The following ATF6 variants were observed in gnomAD, a reference collection of about 807,000 sequenced individuals.
ATF6 encodes activating transcription factor 6.
ATF6 carries 53 observed loss-of-function variants against 83.6 expected under a neutral mutation model. That is an observed-to-expected ratio of 0.63 (90% CI 0.51 to 0.80). The LOEUF is 0.80. Ranked by LOEUF, ATF6 falls within the 30% of genes least tolerant of loss-of-function variation. The pLI is 0.00. For synonymous variants in ATF6, 288 were observed against 285.8 expected (o/e 1.01, Z -0.08); for missense variants, 744 against 797.9 (o/e 0.93, Z 0.81).
At chr1:161,835,976 C>T (rs1004943522) in intron 9 of ATF6, among the ~76,000 whole-genome samples, 2 of 152,088 alleles carry the variant, frequency 1.3e-5, no homozygotes, top group African/African-American at 4.8e-5. Context: ...AATGCTGCGC[C>T]CTCACTAGGT....
intron 14 of ATF6, among the ~76,000 whole-genome samples, chr1:161,894,559 CAG>C (rs1202494894): frequency 3.9e-5 from 3 of 77,320 alleles, no homozygotes; most frequent in African/African-American, 1.6e-4. Context: ...TTTTTTGAGA[CAG>C]AGTTTCACTC....
intron 14 of ATF6, among the ~76,000 whole-genome samples, chr1:161,908,210 G>A (rs1687916260): frequency 1.3e-5 from 2 of 152,116 alleles, no homozygotes; most frequent in Non-Finnish European, 1.5e-5. Context: ...ACATAGATAC[G>A]TAGAATCAAC....
chr1:161,929,923 A>G (rs1383592203), intron 15 of ATF6, among the ~76,000 whole-genome samples: 1 of 152,184 alleles, frequency 6.6e-6, no homozygotes, highest in Non-Finnish European at 1.5e-5. Flanking sequence ...AAGGGTCAGT[A>G]TGATGTTTAG....
chr1:161,897,422 GCGAGACCCTGTCT>G (rs1687697640), intron 14 of ATF6, among the ~76,000 whole-genome samples: 1 of 152,076 alleles, frequency 6.6e-6, no homozygotes, highest in Admixed American at 6.6e-5. Context: ...GGGAAACAGA[GCGAGACCCTGTCT>G]CAAAAAATAA....
intron 6 of ATF6, among the ~76,000 whole-genome samples, chr1:161,795,990 A>T (rs1685009437): frequency 6.6e-6 from 1 of 152,172 alleles, no homozygotes; most frequent in Non-Finnish European, 1.5e-5. Context: ...GTACTCTGGG[A>T]TGAAAAGGCT....
intron 15 of ATF6, among the ~76,000 whole-genome samples, chr1:161,925,105 T>A (rs1571241008): frequency 1.3e-5 from 2 of 152,252 alleles, no homozygotes; most frequent in Non-Finnish European, 2.9e-5. Flanking sequence ...CTATATACCC[T>A]CTGAGTCTTC....
intron 15 of ATF6, among the ~76,000 whole-genome samples, chr1:161,938,558 G>A (rs980065059): frequency 2.6e-5 from 4 of 152,180 alleles, no homozygotes. Flanking sequence ...GAAATGTAAG[G>A]CAGGCAAGAA....
intron 15 of ATF6, among the ~76,000 whole-genome samples, chr1:161,925,304 G>A (rs1043899024): frequency 6.6e-6 from 1 of 152,034 alleles, no homozygotes; most frequent in Non-Finnish European, 1.5e-5. Flanking sequence ...AAACCAAGGT[G>A]TTTTTTTCTA....
intron 9 of ATF6, among the ~76,000 whole-genome samples, chr1:161,833,019 T>A (rs1409911856): frequency 6.6e-6 from 1 of 152,204 alleles, no homozygotes; most frequent in Non-Finnish European, 1.5e-5. Flanking sequence ...AGGGGCGGAC[T>A]GACACCTCAC....
intron 1 of ATF6, among the ~76,000 whole-genome samples, chr1:161,776,880 AAGAT>A (rs1684526897): frequency 6.6e-6 from 1 of 152,344 alleles, no homozygotes; most frequent in Admixed American, 6.5e-5. Context: ...CCAAGGAAGT[AAGAT>A]AGATAGAAAC....
intron 15 of ATF6, among the ~76,000 whole-genome samples, chr1:161,936,386 C>G (rs1232954257): frequency 1.3e-5 from 2 of 152,118 alleles, no homozygotes; most frequent in East Asian, 3.9e-4. Context: ...AGGTGTGCAA[C>G]ATGAAATAAT....
At chr1:161,947,880 A>C (rs1366346884) in intron 15 of ATF6, among the ~76,000 whole-genome samples, 1 of 121,850 alleles carries the variant, frequency 8.2e-6, no homozygotes, top group Non-Finnish European at 1.6e-5. Context: ...GCTGGAGTGC[A>C]ATGGCATGAT....
chr1:161,912,336 C>G lies in ATF6; in HGVS notation c.1760C>G (p.Thr587Arg). The G allele has an allele frequency of 6.2e-7, 1 of 1,609,492 alleles. No individual in the cohort carries two copies. Among genetic ancestry groups the G allele is most frequent in the Non-Finnish European group, 8.5e-7 (1 of 1,178,088 alleles). ...CCAGCTACCACCCATAACAAGACCA[C>G]AAGACCAAAAATGTCAATTGTGTTA... The part of the protein sequence containing the change: ...LLPATTHNKT[T>R]RPKMSIVLPA... Residue 587 changes from threonine to arginine, a missense_variant, in exon 15 of 16, where the codon ACA becomes AGA. Coordinates refer to ENST00000367942, the MANE Select transcript of ATF6 (RefSeq NM_007348.4).
At chr1:161,878,936 T>G (rs535914934) in intron 14 of ATF6, among the ~76,000 whole-genome samples, 1 of 152,080 alleles carries the variant, frequency 6.6e-6, no homozygotes, top group East Asian at 1.9e-4. Context: ...AAAGGTAGGG[T>G]TTTGTCTTAT....
chr1:161,770,319 A>G (rs1281368804), intron 1 of ATF6, among the ~76,000 whole-genome samples: 2 of 152,228 alleles, frequency 1.3e-5, no homozygotes, highest in Non-Finnish European at 2.9e-5. Flanking sequence ...AAAAAATAGT[A>G]TGTATGTTCT....
chr1:161,878,766 T>C (rs552897365), intron 14 of ATF6, among the ~76,000 whole-genome samples: 4 of 152,250 alleles, frequency 2.6e-5, no homozygotes, highest in South Asian at 2.1e-4. Context: ...AGATGAAGGA[T>C]TGGTTTTCAC....
chr1:161,823,628 G>A (rs1685814973), intron 9 of ATF6, among the ~76,000 whole-genome samples: 1 of 151,938 alleles, frequency 6.6e-6, no homozygotes, highest in Non-Finnish European at 1.5e-5. Flanking sequence ...GCTTCTTTAG[G>A]TCAAATCAAT....
At chr1:161,825,909 A>G (rs1685884394) in intron 9 of ATF6, among the ~76,000 whole-genome samples, 1 of 152,182 alleles carries the variant, frequency 6.6e-6, no homozygotes, top group African/African-American at 2.4e-5. Flanking sequence ...CCATCATCCA[A>G]GAGTCACCTC....
chr1:161,832,771 G>T (rs544321805), intron 9 of ATF6, among the ~76,000 whole-genome samples: 3 of 152,348 alleles, frequency 2.0e-5, no homozygotes, highest in East Asian at 1.9e-4. Context: ...CTTGAACTGG[G>T]TGGAGCCCAC....
Sources: gnomAD v4.1 joint callset for allele counts (sites outside exome capture counted in the v4.1 genomes callset) on GRCh38, gnomAD v4.1.1 for gene constraint, MANE v1.5 for transcripts, NCBI Gene and HGNC (gene_info 2026-07-23, HGNC 2026-07-21) for gene names.